The following PSMA3 variants were observed in gnomAD, a reference collection of about 807,000 sequenced individuals.
PSMA3 encodes the protein proteasome subunit alpha type-3.
In PSMA3, 8 loss-of-function variants were observed where a neutral mutation model predicts 40.0. That is an observed-to-expected ratio of 0.20 (90% CI 0.12 to 0.36). The LOEUF (loss-of-function observed/expected upper bound fraction) is 0.36. PSMA3 is among the 10% of genes least tolerant of loss of function. PSMA3 has a pLI of 1.00. For synonymous variants in PSMA3, 110 were observed against 100.0 expected, an observed-to-expected ratio of 1.10 and a Z score of -0.59; for missense variants, 219 against 310.6, an observed-to-expected ratio of 0.70 and a Z score of 2.22.
chr14:58,252,400 A>G (rs1890032719), intron 3 of PSMA3, among the ~76,000 whole-genome samples, 158 bp downstream of exon 3: 2 of 152,188 alleles, frequency 1.3e-5, no homozygotes, highest in Non-Finnish European at 2.9e-5. Context: ...TCATAACCTT[A>G]TTAGTGATGG....
At chr14:58,262,588 A>T (rs1428907198) in intron 6 of PSMA3, among the ~76,000 whole-genome samples, 2 of 148,260 alleles carry the variant, frequency 1.3e-5, no homozygotes, top group African/African-American at 2.5e-5. Context: ...TTTGAGACAG[A>T]GTCTTGCTCA....
At chr14:58,260,272 C>T (rs1283153467) in intron 5 of PSMA3, among the ~76,000 whole-genome samples, 1 of 152,168 alleles carries the variant, frequency 6.6e-6, no homozygotes, top group Non-Finnish European at 1.5e-5. Context: ...ACTTGCAATA[C>T]CTAACACAGT....
intron 2 of PSMA3, 107 bp from the exon 3 acceptor site, chr14:58,252,012 A>C: frequency 1.8e-5 from 19 of 1,084,220 alleles, no homozygotes; most frequent in Non-Finnish European, 2.1e-5. Flanking sequence ...GTTTTAAGGT[A>C]TTTGGCATGC....
chr14:58,257,681 T>C (rs1390577318), intron 3 of PSMA3, 64 bp from the exon 4 acceptor site: 4 of 1,395,958 alleles, frequency 2.9e-6, no homozygotes, highest in Non-Finnish European at 4.0e-6. Context: ...AAGTCTTTAT[T>C]AATTGCAGAC....
At position 58,257,760 on chromosome 14, in the gene PSMA3, T is replaced by C; in HGVS notation, c.244T>C (p.Leu82=). ...TTTTTTTCAGGCAGTAGCAGGTTTG[T>C]TGGCAGATGCTCGTTCTTTAGCAGA... is the stretch of plus-strand genomic sequence containing the variant. ...RHVGMAVAGL[L]ADARSLADIA... Residue 82 remains leucine, a synonymous_variant, in exon 4 of 11, where the codon TTG becomes CTG. Transcript: ENST00000216455. 1.2e-6 allele frequency: 2 copies of C among 1,611,530 alleles called. No homozygotes were observed. The highest frequency in any genetic ancestry group is 1.7e-6 in the Non-Finnish European group (2 of 1,178,038).
At chr14:58,264,667 T>C (rs1002164858) in intron 7 of PSMA3, 4 of 152,216 alleles carry the variant, frequency 2.6e-5, no homozygotes, top group African/African-American at 4.8e-5. Flanking sequence ...AAAATACTTA[T>C]TAGTGCTTGG....
At chr14:58,247,284 G>A (rs1366363368) in intron 1 of PSMA3, among the ~76,000 whole-genome samples, 3 of 152,160 alleles carry the variant, frequency 2.0e-5, no homozygotes, top group African/African-American at 7.2e-5. Context: ...CTAGATTCAT[G>A]TCTGATGTGA....
At chr14:58,267,705 T>A (rs1006185833) in intron 8 of PSMA3, 185 bp downstream of exon 8, 2 of 1,089,318 alleles carry the variant, frequency 1.8e-6, no homozygotes, top group African/African-American at 3.3e-5. Context: ...TATTTTTTAG[T>A]AGTAATGAAT....
chr14:58,260,916 A>G (rs540978400), intron 5 of PSMA3, 32 bp from the exon 6 acceptor site: 28 of 1,480,050 alleles, frequency 1.9e-5, no homozygotes, highest in South Asian at 2.5e-5. Flanking sequence ...TGTTATTGCC[A>G]TGGTTTAAGC....
intron 8 of PSMA3, among the ~76,000 whole-genome samples, chr14:58,269,278 C>T (rs1183655724): frequency 1.3e-5 from 2 of 151,938 alleles, no homozygotes; most frequent in African/African-American, 2.4e-5. Context: ...GACAGTGCCT[C>T]CTTCTTTGCT....
Position 58,271,384 on chromosome 14 carries a change from C to G in PSMA3, c.723+386C>G, listed in dbSNP as rs145239143. Reference sequence around the variant, plus strand: ...TTGCTCTGTCACCCAGGCTGGAGGGCAGTGGCACCATCTCTGCTCACTGCA... The same window carrying G: ...TTGCTCTGTCACCCAGGCTGGAGGGGAGTGGCACCATCTCTGCTCACTGCA... On this transcript the variant is annotated intron_variant, in intron 10 of 10. Transcript: ENST00000216455. Among the ~76,000 whole-genome samples the G allele has an allele frequency of 4.2e-3, 552 of 130,060 alleles. 5 individuals are homozygous for G. Among genetic ancestry groups the G allele is most frequent in the African/African-American group, 0.015 (483 of 33,134 alleles). The allele number at this position is 130,060 out of a possible 152,430, so 85.3% of individuals were successfully genotyped here.
chr14:58,263,656 A>G, intron 6 of PSMA3, 49 bp from the exon 7 acceptor site: 1 of 1,411,392 alleles, frequency 7.1e-7, no homozygotes, highest in Non-Finnish European at 1.0e-6. Context: ...CATTAATTAC[A>G]TATGATAGTG....
In PSMA3 at chr14:58,260,854, CAGAA is replaced by C. The variant is rs796156917; in HGVS notation, c.405-88_405-85del. 1.9e-5 allele frequency: 17 copies of C among 880,346 alleles called. No individual in the cohort carries two copies. The Middle Eastern group carries it at 8.7e-4, about 45-fold the overall frequency. 54.5% of individuals were successfully genotyped at this position (880,346 alleles called of 1,614,324 possible). On this transcript the variant is annotated intron_variant, in intron 5 of 10. Transcript: ENST00000216455. ...TTATATGTGTATTAGTAATTTATCT[CAGAA>C]AGAAAATATAACTGCATTTTAAAAT...
chr14:58,251,752 T>C (rs527883158), intron 2 of PSMA3, among the ~76,000 whole-genome samples: 1 of 152,348 alleles, frequency 6.6e-6, no homozygotes, highest in South Asian at 2.1e-4. Context: ...AGTTTGTATC[T>C]AACCTTTTAT....
At chr14:58,248,988 G>A (rs577132447) in intron 2 of PSMA3, among the ~76,000 whole-genome samples, 27 of 152,254 alleles carry the variant, frequency 1.8e-4, no homozygotes, top group Middle Eastern at 3.4e-3. Flanking sequence ...AAAATGAGAC[G>A]TAGTTTCACT....
At chr14:58,269,515 C>T (rs1264837572) in intron 8 of PSMA3, 2 of 151,962 alleles carry the variant, frequency 1.3e-5, no homozygotes, top group African/African-American at 2.4e-5. Context: ...TCACTGCAGC[C>T]CCTACCTCCT....
At chr14:58,249,001 T>C (rs1442182547) in intron 2 of PSMA3, among the ~76,000 whole-genome samples, 1 of 152,172 alleles carries the variant, frequency 6.6e-6, no homozygotes, top group East Asian at 1.9e-4. Flanking sequence ...GTTTCACTCT[T>C]GTTGCCCAGG....
Position 58,249,388 on chromosome 14 carries a change from C to A in PSMA3, c.104+1556C>A, listed in dbSNP as rs146743489. On this transcript the variant is annotated intron_variant, in intron 2 of 10. Coordinates refer to ENST00000216455, the MANE Select transcript of PSMA3 (RefSeq NM_002788.4). ...TAAAAAAGAGGCATGGTCTCACTCA[C>A]TATGTTGCCTCGGCTGGTCTTGAAC... 2.1e-3 allele frequency among the ~76,000 whole-genome samples: 324 copies of A among 152,314 alleles called. 6 individuals carry two copies. In the East Asian group the frequency reaches 0.037, roughly 18 times the overall value.
Position 58,270,938 on chromosome 14 carries a change from T to C in PSMA3, c.663T>C (p.Thr221=). The C allele has an allele frequency of 8.7e-6, 14 of 1,602,008 alleles. No individual in the cohort carries two copies. Among genetic ancestry groups the C allele is most frequent in the Non-Finnish European group, 1.1e-5 (13 of 1,171,356 alleles). ...ELELSWVGEL[T]NGRHEIVPKD... ...CACATGTGGCTTAATTTACAGTAAC[T>C]AATGGAAGACATGAAATTGTTCCAA... The change falls in exon 10 of 11, where the codon ACT becomes ACC. Residue 221 remains threonine (T), a synonymous_variant. Coordinates refer to ENST00000216455, the MANE Select transcript of PSMA3 (RefSeq NM_002788.4).
Sources: gnomAD v4.1 joint callset for allele counts (sites outside exome capture counted in the v4.1 genomes callset) on GRCh38, gnomAD v4.1.1 for gene constraint, MANE v1.5 for transcripts, NCBI Gene and HGNC (gene_info 2026-07-23, HGNC 2026-07-21) for gene names.